Variants in FBXO6 observed in about 807,000 individuals in gnomAD.
The protein encoded by FBXO6 is F-box protein 6, also known as F-box only protein 6.
FBXO6 carries 13 observed loss-of-function variants against 25.0 expected under a neutral mutation model. That is an observed-to-expected ratio of 0.52 (90% CI 0.34 to 0.83). FBXO6 has a LOEUF of 0.83. FBXO6 is among the 40% of genes least tolerant of loss of function. FBXO6 has a pLI of 0.02. For synonymous variants in FBXO6, 138 were observed against 155.3 expected (o/e 0.89, Z 0.83); for missense variants, 370 against 380.2 (o/e 0.97, Z 0.22).
intron 1 of FBXO6, among the ~76,000 whole-genome samples, chr1:11,664,903 G>T (rs1427402261): frequency 6.6e-6 from 1 of 152,174 alleles, no homozygotes; most frequent in Non-Finnish European, 1.5e-5. Context: ...GGGAAGGGGC[G>T]CAAGAAAATG....
At chr1:11,672,319 C>T (rs573001899) in intron 4 of FBXO6, among the ~76,000 whole-genome samples, 8 of 152,164 alleles carry the variant, frequency 5.3e-5, no homozygotes, top group African/African-American at 1.9e-4. Flanking sequence ...CGGAGTCTCG[C>T]TCTGTCACCC....
rs113558790 is a variant in FBXO6 at position 11,669,737 on chromosome 1, TACACAC to T, written c.286+813_286+818del. ...ATGTGTATACATATATACATATACA[TACACAC>T]ACACACACACACACACACAAGTAGT... On this transcript the variant is annotated intron_variant, in intron 2 of 5. Transcript: ENST00000376753. Among the ~76,000 whole-genome samples the T allele has an allele frequency of 2.8e-3, 386 of 139,002 alleles. 2 individuals are homozygous for T. Among genetic ancestry groups the T allele is most frequent in the African/African-American group, 9.4e-3 (359 of 38,036 alleles). The allele number at this position is 139,002 out of a possible 152,430, so 91.2% of individuals were successfully genotyped here.
chr1:11,672,911 A>G (rs950715115), intron 4 of FBXO6, among the ~76,000 whole-genome samples: 4 of 152,162 alleles, frequency 2.6e-5, no homozygotes, highest in African/African-American at 9.7e-5. Flanking sequence ...GCCCCATTAC[A>G]CAGGCCACCC....
At chr1:11,666,652 G>T (rs1375713870) in intron 1 of FBXO6, among the ~76,000 whole-genome samples, 1 of 152,066 alleles carries the variant, frequency 6.6e-6, no homozygotes, top group Non-Finnish European at 1.5e-5. Context: ...AAAGGGCTGG[G>T]GTTACAGGCT....
intron 2 of FBXO6, among the ~76,000 whole-genome samples, chr1:11,669,157 C>T (rs1640533871): frequency 6.6e-6 from 1 of 152,222 alleles, no homozygotes; most frequent in African/African-American, 2.4e-5. Flanking sequence ...AGCATAGCAC[C>T]CCCATTTCAT....
intron 2 of FBXO6, 38 bp downstream of exon 2, chr1:11,668,982 G>A (rs142832841): frequency 1.9e-5 from 31 of 1,604,260 alleles, no homozygotes; most frequent in African/African-American, 6.7e-5. Flanking sequence ...CACCAGGCTC[G>A]TTCCTTCTCA....
chr1:11,673,154 G>A lies in FBXO6; in HGVS notation c.510-123G>A. ...GCGCTGAAGCCAGCTGGGCCTTGCAGGCAGAGCAGTGTCAGCTGATGGGAG... is the reference window on the plus strand; with the variant it reads ...GCGCTGAAGCCAGCTGGGCCTTGCAAGCAGAGCAGTGTCAGCTGATGGGAG... On this transcript the variant is annotated intron_variant, in intron 4 of 5. Coordinates refer to ENST00000376753, the MANE Select transcript of FBXO6 (RefSeq NM_018438.6). This position sits in a 1 kb window ranked among gnomAD's most constrained non-coding sequence, Gnocchi z 4.3. The A allele has an allele frequency of 7.9e-7, 1 of 1,265,466 alleles. No individual in the cohort carries two copies. Among genetic ancestry groups the A allele is most frequent in the East Asian group, 2.5e-5 (1 of 39,414 alleles). 78.4% of individuals were successfully genotyped at this position (1,265,466 alleles called of 1,614,324 possible). A position where few individuals can be genotyped will look rare whatever the true frequency, so the allele number is the denominator to read the frequency against.
intron 2 of FBXO6, among the ~76,000 whole-genome samples, chr1:11,669,267 A>C (rs1640537384): frequency 6.6e-6 from 1 of 152,096 alleles, no homozygotes; most frequent in Non-Finnish European, 1.5e-5. Context: ...GGAGTTAGAG[A>C]CCAGCCTGGT....
intron 2 of FBXO6, among the ~76,000 whole-genome samples, chr1:11,670,082 A>G (rs892904741): frequency 1.3e-5 from 2 of 151,020 alleles, no homozygotes; most frequent in Non-Finnish European, 3.0e-5. Context: ...GCGTGGTGGC[A>G]GGCACCTGTA....
rs1076964 is a variant in FBXO6 at position 11,671,754 on chromosome 1, C to T, written c.414-174C>T. 8.4e-3 allele frequency among the ~76,000 whole-genome samples: 1,278 copies of T among 152,318 alleles called. 19 individuals carry two copies. Among genetic ancestry groups the T allele is most frequent in the African/African-American group, 0.029 (1,202 of 41,574 alleles). ...CACAAGTGGGTCAAACTCCCTCCTG[C>T]ACTGGAGGAAAAGCCAGAGTCAGCC... On this transcript the variant is annotated intron_variant, in intron 3 of 5. Transcript: ENST00000376753.
rs1039551129 is a variant in FBXO6 at position 11,671,299 on chromosome 1, G to A, written c.320G>A (p.Gly107Asp). The A allele has an allele frequency of 3.4e-5, 55 of 1,614,128 alleles. No individual in the cohort carries two copies. Among genetic ancestry groups the A allele is most frequent in the Non-Finnish European group, 4.5e-5 (53 of 1,179,998 alleles). ...DMFAWQIDFN[G>D]GDRWKVESLP... is the part of the protein sequence containing the mutation. ...TTTGCATGGCAAATTGATTTCAATG[G>A]TGGGGACCGCTGGAAGGTGGAGAGC... Residue 107 changes from glycine to aspartate, a missense_variant, in exon 3 of 6, where the codon GGT (glycine) becomes GAT (aspartate). Coordinates refer to ENST00000376753, the MANE Select transcript of FBXO6 (RefSeq NM_018438.6).
chr1:11,667,807 T>C (rs1414417493), intron 1 of FBXO6, among the ~76,000 whole-genome samples: 1 of 152,154 alleles, frequency 6.6e-6, no homozygotes, highest in African/African-American at 2.4e-5. Flanking sequence ...TGATTTTATA[T>C]TCTGGCCGGG....
Position 11,673,070 on chromosome 1 carries a change from G to A in FBXO6, c.510-207G>A, listed in dbSNP as rs1042428330. 2.0e-5 allele frequency among the ~76,000 whole-genome samples: 3 copies of A among 152,192 alleles called. No individual in the cohort carries two copies. Among genetic ancestry groups the A allele is most frequent in the African/African-American group, 4.8e-5 (2 of 41,440 alleles). ...CAAAAGGGTCCCTCTTCTCAGATGG[G>A]GTAACAGAGGCCAGCATGGACAGAC... On this transcript the variant is annotated intron_variant, in intron 4 of 5. Transcript: ENST00000376753. The surrounding 1 kb of genome is among the most constrained non-coding windows in gnomAD (Gnocchi z 4.3).
intron 3 of FBXO6, 77 bp downstream of exon 3, chr1:11,671,469 G>A (rs988396527): frequency 2.0e-5 from 31 of 1,573,004 alleles, no homozygotes; most frequent in Non-Finnish European, 2.7e-5. Flanking sequence ...CTCAGGCAAA[G>A]TCTTCCTAAG....
intron 1 of FBXO6, among the ~76,000 whole-genome samples, chr1:11,666,760 G>C (rs746062454): frequency 6.6e-6 from 1 of 152,128 alleles, no homozygotes; most frequent in African/African-American, 2.4e-5. Context: ...GGGCAGAAGT[G>C]AGCATGCACC....
chr1:11,667,125 C>A (rs573799356), intron 1 of FBXO6, among the ~76,000 whole-genome samples: 70 of 148,870 alleles, frequency 4.7e-4, no homozygotes, highest in African/African-American at 1.5e-3. Flanking sequence ...CCAGCCTGGG[C>A]AACAAGAGTG....
Position 11,671,269 on chromosome 1 carries a change from A to T in FBXO6, c.290A>T (p.Asp97Val). 6.2e-7 allele frequency: 1 copy of T among 1,613,596 alleles called. No individual in the cohort carries two copies. The highest frequency in any genetic ancestry group is 8.5e-7 in the Non-Finnish European group (1 of 1,179,780). ...NLLRNPCAEE[D>V]MFAWQIDFNG... ...CCTTGGCTTCTGTTCTTCCTAGAGG[A>T]TATGTTTGCATGGCAAATTGATTTC... is the stretch of plus-strand genomic sequence containing the variant. Residue 97 changes from aspartate (D) to valine (V), a missense_variant, in exon 3 of 6, where the codon GAT becomes GTT. Coordinates refer to ENST00000376753, the MANE Select transcript of FBXO6 (RefSeq NM_018438.6).
chr1:11,669,630 ATGTATACATATATACACG>A (rs1288709118), intron 2 of FBXO6, among the ~76,000 whole-genome samples: 4 of 150,018 alleles, frequency 2.7e-5, no homozygotes, highest in Non-Finnish European at 5.9e-5. Context: ...GTATATACAC[ATGTATACATATATACACG>A]TGTATACATA....
chr1:11,671,532 T>A (rs1254513962), intron 3 of FBXO6, 140 bp downstream of exon 3: 1 of 1,193,728 alleles, frequency 8.4e-7, no homozygotes, highest in South Asian at 1.5e-5. Context: ...TTGCCCAGAG[T>A]CACTGCTTCC....
Sources: gnomAD v4.1 joint callset for allele counts (sites outside exome capture counted in the v4.1 genomes callset) on GRCh38, gnomAD v4.1.1 for gene constraint, Gnocchi (gnomAD v3.1) non-coding constraint, MANE v1.5 for transcripts, NCBI Gene and HGNC (gene_info 2026-07-23, HGNC 2026-07-21) for gene names.